Variants in NDUFA12 observed in about 807,000 individuals in gnomAD.
NDUFA12 encodes the protein NADH dehydrogenase [ubiquinone] 1 alpha subcomplex subunit 12.
Under a neutral mutation model 20.3 loss-of-function variants are expected in NDUFA12, and 17 were observed. The ratio of observed to expected loss-of-function variants is 0.84; its 90% confidence interval spans 0.57 to 1.26. The LOEUF (loss-of-function observed/expected upper bound fraction) is 1.26, where lower values mean the gene tolerates loss of function less well. NDUFA12 is among the 50% of genes most tolerant of loss of function. NDUFA12 has a pLI of 0.00. For synonymous variants in NDUFA12, 72 were observed against 63.6 expected (o/e 1.13, Z -0.63); for missense variants, 191 against 183.7 (o/e 1.04, Z -0.23).
chr12:94,988,673 C>A (rs1392261601), intron 3 of NDUFA12, among the ~76,000 whole-genome samples: 1 of 152,254 alleles, frequency 6.6e-6, no homozygotes, highest in South Asian at 2.1e-4. Context: ...AAGACACATA[C>A]CCCCTTGAAG....
chr12:95,002,425 G>GAGCGA, intron 2 of NDUFA12, among the ~76,000 whole-genome samples: 1 of 1,890 alleles, frequency 5.3e-4, no homozygotes, highest in East Asian at 0.014. Context: ...CTGGCCGACA[G>GAGCGA]AGACTCCATC....
At chr12:94,998,592 T>C (rs1485482613) in intron 2 of NDUFA12, among the ~76,000 whole-genome samples, 2 of 152,032 alleles carry the variant, frequency 1.3e-5, no homozygotes, top group Non-Finnish European at 2.9e-5. Flanking sequence ...TTAAAGACCA[T>C]CCAAAAAGCT....
intron 3 of NDUFA12, among the ~76,000 whole-genome samples, chr12:94,980,644 T>C (rs1874206441): frequency 1.3e-5 from 2 of 152,180 alleles, no homozygotes. Flanking sequence ...TGTATTTATG[T>C]ATTACTTCAG....
chr12:95,002,791 C>T lies in NDUFA12; in HGVS notation c.117G>A (p.Val39=), dbSNP rs756573882. ...ATTTGTTTCCATATTTGTCTTCCCC[C>T]ACTAATGTACCAACCTTCGCATCAT... ...RTNDAKVGTL[V]GEDKYGNKYY... is the part of the protein sequence containing the mutation. The change falls in exon 2 of 4, where the codon GTG becomes GTA. Residue 39 remains valine, a synonymous_variant. Coordinates refer to ENST00000327772, the MANE Select transcript of NDUFA12 (RefSeq NM_018838.5). 6.2e-7 allele frequency: 1 copy of T among 1,613,942 alleles called. No individual in the cohort carries two copies. Among genetic ancestry groups the T allele is most frequent in the African/African-American group, 1.3e-5 (1 of 74,904 alleles).
intron 2 of NDUFA12, among the ~76,000 whole-genome samples, chr12:94,996,234 C>T (rs1014225385): frequency 1.3e-5 from 2 of 151,682 alleles, no homozygotes; most frequent in African/African-American, 4.8e-5. Flanking sequence ...TTTAAATATA[C>T]ATAAAGACTA....
intron 2 of NDUFA12, among the ~76,000 whole-genome samples, chr12:94,995,822 T>A (rs1034207842): frequency 1.3e-5 from 2 of 152,098 alleles, no homozygotes; most frequent in African/African-American, 4.8e-5. Context: ...TATGTGTCTA[T>A]CGATAGTAAC....
intron 2 of NDUFA12, chr12:94,997,443 G>A (rs1874873144): frequency 6.6e-6 from 1 of 152,070 alleles, no homozygotes; most frequent in Non-Finnish European, 1.5e-5. Context: ...TAAATGCCAG[G>A]CAATTATTTT....
chr12:95,000,416 T>C (rs1049670644), intron 2 of NDUFA12, among the ~76,000 whole-genome samples: 1 of 152,138 alleles, frequency 6.6e-6, no homozygotes, highest in African/African-American at 2.4e-5. Context: ...AACTTATCCA[T>C]GTAACCAAAA....
At chr12:94,997,723 G>A (rs150229112) in intron 2 of NDUFA12, among the ~76,000 whole-genome samples, 164 of 152,148 alleles carry the variant, frequency 1.1e-3, no homozygotes, top group African/African-American at 3.9e-3. Flanking sequence ...AAACTGGGAC[G>A]TATAATGCAA....
rs1875101118 is a variant in NDUFA12, at chr12:95,002,738, C to T, written c.169+1G>A. 6.2e-7 allele frequency: 1 copy of T among 1,612,274 alleles called. No individual in the cohort carries two copies. Among genetic ancestry groups the T allele is most frequent in the African/African-American group, 1.3e-5 (1 of 74,878 alleles). The stretch of plus-strand genomic sequence containing the variant: ...TTCATACTAAAAAATACTGCACTCA[C>T]CAAAAAATTGCTTGTTGTCTTCATA... On this transcript the variant is annotated splice_donor_variant, in intron 2 of 3. Coordinates refer to ENST00000327772, the MANE Select transcript of NDUFA12 (RefSeq NM_018838.5). LOFTEE classifies it high-confidence loss of function.
At chr12:94,994,123 CA>C (rs767786080) in intron 3 of NDUFA12, 46 bp downstream of exon 3, 1 of 1,574,576 alleles carries the variant, frequency 6.4e-7, no homozygotes, top group Non-Finnish European at 8.7e-7. Flanking sequence ...GACCCTGTCT[CA>C]AAAAAGAAAA....
chr12:94,990,825 G>C (rs758528934), intron 3 of NDUFA12, among the ~76,000 whole-genome samples: 3 of 152,144 alleles, frequency 2.0e-5, no homozygotes, highest in Non-Finnish European at 2.9e-5. Flanking sequence ...TAGTAGAACA[G>C]GGGTTGAAAT....
At chr12:94,979,061 C>T (rs1045949932) in intron 3 of NDUFA12, among the ~76,000 whole-genome samples, 2 of 152,188 alleles carry the variant, frequency 1.3e-5, no homozygotes, top group African/African-American at 2.4e-5. Flanking sequence ...CAATAAACTA[C>T]AATCAGTTTT....
At chr12:94,996,876 T>A in intron 2 of NDUFA12, 1 of 299,102 alleles carries the variant, frequency 3.3e-6, no homozygotes, top group South Asian at 2.9e-5. Flanking sequence ...TTTGTAACAA[T>A]ACAGTGAGAA....
In NDUFA12 at chr12:94,994,248, C is replaced by T. The variant is rs143476005; in HGVS notation, c.179G>A (p.Arg60Gln). The T allele has an allele frequency of 6.6e-5, 107 of 1,613,754 alleles. 1 individual carries two copies. In the Admixed American group the frequency reaches 1.4e-3, roughly 21 times the overall value. ...EDNKQFFGRHRWVVYTTEMNG... is the reference protein window; with the variant it reads ...EDNKQFFGRHQWVVYTTEMNG... Reference sequence around the variant, plus strand: ...CATTTCAGTAGTATATACAACCCATCGGTGACGGCCTGGGTGGGAAGATGA... The same window carrying T: ...CATTTCAGTAGTATATACAACCCATTGGTGACGGCCTGGGTGGGAAGATGA... The change falls in exon 3 of 4, where the codon CGA (arginine) becomes CAA (glutamine). Residue 60 changes from arginine (R) to glutamine (Q), a missense_variant. Coordinates refer to ENST00000327772, the MANE Select transcript of NDUFA12 (RefSeq NM_018838.5).
chr12:95,000,686 C>T (rs1874993019), intron 2 of NDUFA12, among the ~76,000 whole-genome samples: 1 of 152,178 alleles, frequency 6.6e-6, no homozygotes, highest in Admixed American at 6.5e-5. Context: ...AATGTTGAAT[C>T]TCTATCATCT....
intron 2 of NDUFA12, among the ~76,000 whole-genome samples, chr12:95,000,712 T>C (rs931008421): frequency 1.3e-5 from 2 of 152,230 alleles, no homozygotes; most frequent in African/African-American, 4.8e-5. Flanking sequence ...TATGAGTTTA[T>C]TGAGTTTCCT....
At chr12:94,977,200 T>C (rs746675057) in intron 3 of NDUFA12, among the ~76,000 whole-genome samples, 1 of 152,220 alleles carries the variant, frequency 6.6e-6, no homozygotes, top group Non-Finnish European at 1.5e-5. Context: ...AATAATATTT[T>C]AGAAGACTGT....
At chr12:94,975,440 C>G (rs1874035557) in intron 3 of NDUFA12, among the ~76,000 whole-genome samples, 1 of 151,972 alleles carries the variant, frequency 6.6e-6, no homozygotes, top group Non-Finnish European at 1.5e-5. Context: ...AAAATAAAAC[C>G]CAGAATCAGT....
Sources: gnomAD v4.1 joint callset for allele counts (sites outside exome capture counted in the v4.1 genomes callset) on GRCh38, gnomAD v4.1.1 for gene constraint, MANE v1.5 for transcripts, NCBI Gene and HGNC (gene_info 2026-07-23, HGNC 2026-07-21) for gene names.